Variants in MAJIN observed in about 807,000 individuals in gnomAD.
MAJIN encodes membrane-anchored junction protein.
MAJIN carries 27 observed loss-of-function variants against 30.2 expected under a neutral mutation model. The observed-to-expected ratio is 0.89, with a 90% CI of 0.66 to 1.23. The LOEUF (loss-of-function observed/expected upper bound fraction) is 1.23, where lower values mean the gene tolerates loss of function less well. Ranked by LOEUF, MAJIN falls within the 50% of genes most tolerant of loss-of-function variation. MAJIN has a pLI of 0.00. For synonymous variants in MAJIN, 78 were observed against 91.6 expected (o/e 0.85, Z 0.85); for missense variants, 253 against 260.3 (o/e 0.97, Z 0.19).
chr11:64,964,167 C>A (rs1391054832), intron 1 of MAJIN, among the ~76,000 whole-genome samples: 2 of 152,132 alleles, frequency 1.3e-5, no homozygotes, highest in Non-Finnish European at 1.5e-5. Context: ...TGGTCTTGAA[C>A]TCCGGACCTC....
intron 6 of MAJIN, among the ~76,000 whole-genome samples, chr11:64,948,608 T>TC (rs1260671523): frequency 0.016 from 436 of 26,880 alleles, 43 homozygotes; most frequent in African/African-American, 0.047. Flanking sequence ...ACATCATATA[T>TC]ATATATATAT....
chr11:64,951,153 A>G (rs1361034525), intron 4 of MAJIN, among the ~76,000 whole-genome samples: 1 of 152,206 alleles, frequency 6.6e-6, no homozygotes, highest in Non-Finnish European at 1.5e-5. Context: ...CACCTGACTT[A>G]TCTTAGTATC....
Position 64,950,349 on chromosome 11 carries a change from G to C in MAJIN, c.223+6C>G. 7.9e-7 allele frequency: 1 copy of C among 1,259,998 alleles called. No homozygotes were observed. The highest frequency in any genetic ancestry group is 1.1e-6 in the Non-Finnish European group (1 of 945,036). 78.1% of individuals were successfully genotyped at this position (1,259,998 alleles called of 1,614,324 possible). A position where few individuals can be genotyped will look rare whatever the true frequency, so the allele number is the denominator to read the frequency against. On this transcript the variant is annotated splice_donor_region_variant and intron_variant, in intron 5 of 10. Transcript: ENST00000301896. ...CATCTCAAAAAAAAAAAAAAAAAAA[G>C]GATACAGGGAAATACAATGAAGTGT...
At chr11:64,956,788 T>C (rs1945641656) in intron 3 of MAJIN, among the ~76,000 whole-genome samples, 5 of 111,650 alleles carry the variant, frequency 4.5e-5, no homozygotes, top group Non-Finnish European at 9.1e-5. Context: ...TTTTTTGAGA[T>C]GTTGTTTCGC....
At chr11:64,960,642 T>G (rs557418497) in intron 1 of MAJIN, among the ~76,000 whole-genome samples, 2 of 152,348 alleles carry the variant, frequency 1.3e-5, no homozygotes, top group African/African-American at 4.8e-5. Context: ...AAATCACTTT[T>G]TAAGCAGTAA....
intron 1 of MAJIN, among the ~76,000 whole-genome samples, chr11:64,964,534 G>A (rs17146528): frequency 0.046 from 6,952 of 151,852 alleles, 184 homozygotes; most frequent in Middle Eastern, 0.066. Context: ...CCCTGGTCGC[G>A]CTCACCACTC....
rs1179607088 is a variant in MAJIN at position 64,948,602 on chromosome 11, C to CATTCATATATATATATAT, written c.350-784_350-783insATATATATATATATGAAT. Among the ~76,000 whole-genome samples the CATTCATATATATATATAT allele has an allele frequency of 4.4e-3, 86 of 19,414 alleles. 23 individuals are homozygous for CATTCATATATATATATAT. The highest frequency in any genetic ancestry group is 5.6e-3 in the Non-Finnish European group (68 of 12,224). The allele number at this position is 19,414 out of a possible 152,430, so 12.7% of individuals were successfully genotyped here. ...GCACCACCACCATGTCGGGCTACAT[C>CATTCATATATATATATAT]ATATATATATATATATATATATATA... On this transcript the variant is annotated intron_variant, in intron 6 of 10. Transcript: ENST00000301896.
intron 1 of MAJIN, among the ~76,000 whole-genome samples, chr11:64,960,675 C>T (rs1044931593): frequency 6.6e-6 from 1 of 152,142 alleles, no homozygotes; most frequent in African/African-American, 2.4e-5. Context: ...ACATAAAGGA[C>T]TATTTTCATT....
intron 1 of MAJIN, among the ~76,000 whole-genome samples, chr11:64,969,686 A>T (rs958231086): frequency 4.6e-5 from 7 of 151,638 alleles, no homozygotes; most frequent in Non-Finnish European, 1.0e-4. Flanking sequence ...TGAGGCAGGC[A>T]AGACTCTGTC....
rs1945688695 is a variant in MAJIN, at chr11:64,959,401, C to T, written c.5G>A (p.Ser2Asn). Residue 2 changes from serine to asparagine, a missense_variant, in exon 3 of 11, where the codon AGT becomes AAT. Coordinates refer to ENST00000301896, the MANE Select transcript of MAJIN (RefSeq NM_001037225.3). M[S>N]LKPFTYPFPE... ...AAACGGGTAGGTAAAGGGTTTTAAA[C>T]TCATTGCTCCCAAACGATAGCCTAA... 2 of 1,612,114 alleles carry T rather than the reference C, an allele frequency of 1.2e-6. No individual in the cohort carries two copies. Among genetic ancestry groups the T allele is most frequent in the Non-Finnish European group, 1.7e-6 (2 of 1,178,184 alleles).
At chr11:64,970,839 T>C (rs1945888753) in intron 1 of MAJIN, among the ~76,000 whole-genome samples, 2 of 152,160 alleles carry the variant, frequency 1.3e-5, no homozygotes, top group African/African-American at 4.8e-5. Context: ...CAAGGTGCAA[T>C]CGGGCATTTG....
chr11:64,939,614 C>A, intron 10 of MAJIN, 48 bp downstream of exon 10: 2 of 1,515,690 alleles, frequency 1.3e-6, no homozygotes, highest in Non-Finnish European at 1.8e-6. Flanking sequence ...CTCAATGAGC[C>A]GCTCTGAGCT....
Position 64,947,357 on chromosome 11 carries a change from C to T in MAJIN, c.473+17G>A. The T allele has an allele frequency of 6.2e-7, 1 of 1,600,888 alleles. No homozygotes were observed. The highest frequency in any genetic ancestry group is 8.5e-7 in the Non-Finnish European group (1 of 1,175,112). On this transcript the variant is annotated intron_variant, in intron 8 of 10. Transcript: ENST00000301896. ...AACTAGGACGCAGGAGCGAGCCTCT[C>T]TCCCCACACCACTGACCTGTCCAGC...
intron 1 of MAJIN, 100 bp from the exon 2 acceptor site, chr11:64,960,235 A>G (rs1182261805): frequency 6.6e-6 from 1 of 152,246 alleles, no homozygotes; most frequent in Non-Finnish European, 1.5e-5. Context: ...CATCAGTACA[A>G]GTATAAAAAT....
At chr11:64,963,556 G>A (rs775404586) in intron 1 of MAJIN, among the ~76,000 whole-genome samples, 3 of 152,302 alleles carry the variant, frequency 2.0e-5, no homozygotes, top group Non-Finnish European at 4.4e-5. Context: ...ACATTGACTG[G>A]GCTGGGCGCA....
intron 3 of MAJIN, among the ~76,000 whole-genome samples, chr11:64,958,465 A>T (rs541831083): frequency 2.3e-4 from 35 of 152,020 alleles, no homozygotes; most frequent in African/African-American, 7.2e-4. Context: ...AAAAAATTTT[A>T]AAATTAGCCT....
At chr11:64,959,651 T>C (rs1473043583) in intron 2 of MAJIN, among the ~76,000 whole-genome samples, 1 of 152,192 alleles carries the variant, frequency 6.6e-6, no homozygotes. Flanking sequence ...GAATTCAAGT[T>C]TGATCATTTA....
At chr11:64,946,229 A>G (rs751067691) in intron 8 of MAJIN, 19 of 1,430,160 alleles carry the variant, frequency 1.3e-5, no homozygotes, top group South Asian at 2.6e-5. Context: ...ATGTGGCCCA[A>G]ATGAATATTT....
intron 4 of MAJIN, among the ~76,000 whole-genome samples, chr11:64,953,651 C>T (rs1472444310): frequency 6.6e-6 from 1 of 152,008 alleles, no homozygotes. Context: ...ATTAGCTGGG[C>T]GTGGTGGTGC....
Sources: gnomAD v4.1 joint callset for allele counts (sites outside exome capture counted in the v4.1 genomes callset) on GRCh38, gnomAD v4.1.1 for gene constraint, MANE v1.5 for transcripts, NCBI Gene and HGNC (gene_info 2026-07-23, HGNC 2026-07-21) for gene names.